Variants in HARBI1 observed in about 807,000 individuals in gnomAD.
HARBI1 encodes the protein harbinger transposase derived 1.
In HARBI1, 15 loss-of-function variants were observed where a neutral mutation model predicts 25.3. The observed-to-expected ratio is 0.59, with a 90% CI of 0.40 to 0.91. The LOEUF is 0.91. Among genes scored for constraint, HARBI1 ranks in the 40% least tolerant of loss-of-function variants. HARBI1 has a pLI of 0.00. For synonymous variants in HARBI1, 168 were observed against 160.5 expected (o/e 1.05, Z -0.35); for missense variants, 396 against 445.8 (o/e 0.89, Z 1.01).
At chr11:46,617,382 T>C (rs2045645283), upstream of HARBI1, 1 of 154,200 alleles carries the variant, frequency 6.5e-6, no homozygotes, top group Non-Finnish European at 1.4e-5. Context: ...CTTTGTTTTA[T>C]CTTGAGTAGC....
chr11:46,612,970 ATTTTTTTT>A (rs11301819), intron 2 of HARBI1, among the ~76,000 whole-genome samples: 1 of 34,760 alleles, frequency 2.9e-5, no homozygotes, highest in East Asian at 1.0e-3. Flanking sequence ...CCACACCCGG[ATTTTTTTT>A]TTTTTTTTTT....
At chr11:46,612,456 T>C (rs1463051151) in intron 2 of HARBI1, among the ~76,000 whole-genome samples, 1 of 152,074 alleles carries the variant, frequency 6.6e-6, no homozygotes, top group Non-Finnish European at 1.5e-5. Flanking sequence ...GTTTTATCAC[T>C]GCTAACTGCA....
chr11:46,607,552 A>T (rs530906164), intron 2 of HARBI1, among the ~76,000 whole-genome samples: 10 of 152,340 alleles, frequency 6.6e-5, no homozygotes, highest in African/African-American at 2.4e-4. Flanking sequence ...AAGAAATGGT[A>T]TGAGTCTTAA....
intron 2 of HARBI1, among the ~76,000 whole-genome samples, chr11:46,605,218 CATTT>C (rs1428907468): frequency 1.3e-5 from 2 of 152,096 alleles, no homozygotes; most frequent in Non-Finnish European, 2.9e-5. Context: ...TAGGCGCTTA[CATTT>C]ATTTTTTTGG....
intron 1 of HARBI1, chr11:46,616,831 CAAAAA>C (rs749013239): frequency 1.4e-3 from 833 of 604,750 alleles, no homozygotes; most frequent in African/African-American, 1.8e-3. Flanking sequence ...AAAGAAGGGG[CAAAAA>C]AAAAAAAAAA....
Position 46,602,929 on chromosome 11 carries a change from C to G in HARBI1, c.*601G>C, listed in dbSNP as rs190105762. 1 of 151,690 alleles carries G rather than the reference C, an allele frequency of 6.6e-6. No individual in the cohort carries two copies. The highest frequency in any genetic ancestry group is 2.4e-5 in the African/African-American group (1 of 40,984). The allele number at this position is 151,690 out of a possible 1,614,324, so 9.4% of individuals were successfully genotyped here. A position where few individuals can be genotyped will look rare whatever the true frequency, so the allele number is the denominator to read the frequency against. On this transcript the variant is annotated 3_prime_UTR_variant, in exon 3 of 3. Transcript: ENST00000326737. ...CACGATCTCGGCTCACCACAACCTC[C>G]GCCTCCCTGGTTCAAGTGATTCTCC...
chr11:46,610,592 G>A (rs1370275586), intron 2 of HARBI1, among the ~76,000 whole-genome samples: 4 of 151,824 alleles, frequency 2.6e-5, no homozygotes, highest in South Asian at 2.1e-4. Flanking sequence ...CCCGGGAGGC[G>A]GAGCTTGCAG....
intron 2 of HARBI1, among the ~76,000 whole-genome samples, chr11:46,614,699 C>G (rs924880209): frequency 6.6e-6 from 1 of 152,174 alleles, no homozygotes; most frequent in African/African-American, 2.4e-5. Flanking sequence ...CTTAGCCTCC[C>G]AGATAGTTGG....
intron 2 of HARBI1, among the ~76,000 whole-genome samples, chr11:46,605,341 C>T (rs1440207243): frequency 6.6e-6 from 1 of 151,874 alleles, no homozygotes; most frequent in Non-Finnish European, 1.5e-5. Flanking sequence ...TATCTGGGAC[C>T]ACAGGCATGC....
rs770866746 is a variant in HARBI1, at chr11:46,603,675, G to A, written c.905C>T (p.Ser302Phe). 3.3e-5 allele frequency: 54 copies of A among 1,614,050 alleles called. No homozygotes were observed. The highest frequency in any genetic ancestry group is 4.6e-5 in the Non-Finnish European group (54 of 1,180,036). ...CCAAACATCCATCCCATGCTCCAGGGAGATGTTGTGGAGGACACAACAGGC... is the reference window on the plus strand; with the variant it reads ...CCAAACATCCATCCCATGCTCCAGGAAGATGTTGTGGAGGACACAACAGGC... ...ILACCVLHNI[S>F]LEHGMDVWSS... Residue 302 changes from serine (S) to phenylalanine (F), a missense_variant, in exon 3 of 3, where the codon TCC becomes TTC. Coordinates refer to ENST00000326737, the MANE Select transcript of HARBI1 (RefSeq NM_173811.4).
chr11:46,606,663 G>A (rs938493762), intron 2 of HARBI1, among the ~76,000 whole-genome samples: 43 of 151,886 alleles, frequency 2.8e-4, no homozygotes, highest in African/African-American at 9.9e-4. Flanking sequence ...TGTTTTTTGA[G>A]ACAGAGTCTC....
intron 2 of HARBI1, chr11:46,604,380 G>T: frequency 1.2e-6 from 1 of 848,590 alleles, no homozygotes. Flanking sequence ...ACTCCAACCT[G>T]GGCGACAAGC....
At chr11:46,607,929 A>C (rs1224336143) in intron 2 of HARBI1, among the ~76,000 whole-genome samples, 6 of 147,482 alleles carry the variant, frequency 4.1e-5, no homozygotes, top group Admixed American at 4.0e-4. Flanking sequence ...AAAAAAAAAA[A>C]GGCCAGAGGC....
At chr11:46,610,638 G>C (rs768423097) in intron 2 of HARBI1, among the ~76,000 whole-genome samples, 1 of 152,096 alleles carries the variant, frequency 6.6e-6, no homozygotes, top group Non-Finnish European at 1.5e-5. Context: ...CCAGCTGGGC[G>C]ACAGAGCGAG....
At chr11:46,604,090 C>T (rs1053549030) in intron 2 of HARBI1, 181 bp from the exon 3 acceptor site, 1 of 985,232 alleles carries the variant, frequency 1.0e-6, no homozygotes, top group Non-Finnish European at 1.2e-6. Context: ...ATGCCAGGAG[C>T]AGAAAGACAC....
chr11:46,609,068 C>T (rs1471408745), intron 2 of HARBI1, among the ~76,000 whole-genome samples: 2 of 151,878 alleles, frequency 1.3e-5, no homozygotes, highest in East Asian at 1.9e-4. Context: ...GGATTACAGG[C>T]GCCTGCCACC....
intron 2 of HARBI1, among the ~76,000 whole-genome samples, chr11:46,609,138 G>A (rs912901110): frequency 2.7e-5 from 4 of 150,830 alleles, no homozygotes; most frequent in African/African-American, 9.8e-5. Flanking sequence ...TGGCCAGGCT[G>A]GTCTCAAACT....
chr11:46,615,930 C>T lies in HARBI1; in HGVS notation c.308G>A (p.Cys103Tyr), dbSNP rs1204058488. 6.2e-7 allele frequency: 1 copy of T among 1,614,194 alleles called. No individual in the cohort carries two copies. The highest frequency in any genetic ancestry group is 1.3e-5 in the African/African-American group (1 of 75,046). The change falls in exon 2 of 3, where the codon TGT becomes TAT. Residue 103 changes from cysteine to tyrosine, a missense_variant. Physicochemically the swap from Cys to Tyr is radical, Grantham distance 194. Transcript: ENST00000326737. ...AAGTGCTTCAGTGACATTGGCAACACAACGACTCATAGACGCCTGACTGAT... is the reference window on the plus strand; with the variant it reads ...AAGTGCTTCAGTGACATTGGCAACATAACGACTCATAGACGCCTGACTGAT... The part of the protein sequence containing the change: ...IGISQASMSR[C>Y]VANVTEALVE...
intron 2 of HARBI1, among the ~76,000 whole-genome samples, chr11:46,608,345 TTCTC>T (rs529398200): frequency 1.2e-3 from 180 of 152,222 alleles, no homozygotes; most frequent in African/African-American, 3.9e-3. Context: ...TAGCCATCTA[TTCTC>T]TCTTTTAACA....
Sources: gnomAD v4.1 joint callset for allele counts (sites outside exome capture counted in the v4.1 genomes callset) on GRCh38, gnomAD v4.1.1 for gene constraint, MANE v1.5 for transcripts, NCBI Gene and HGNC (gene_info 2026-07-23, HGNC 2026-07-21) for gene names.